Variants in ELMO2 observed in about 807,000 individuals in gnomAD.
ELMO2 encodes the protein engulfment and cell motility 2.
ELMO2 carries 37 observed loss-of-function variants against 96.2 expected under a neutral mutation model. The ratio of observed to expected loss-of-function variants is 0.38; its 90% CI spans 0.30 to 0.51. The LOEUF is 0.51. ELMO2 is among the 20% of genes least tolerant of loss of function. The pLI, the probability that ELMO2 is intolerant of heterozygous loss-of-function variation, is 0.88. For missense variants in ELMO2, 561 were observed against 912.6 expected (o/e 0.61, Z 4.96); for synonymous variants, 315 against 329.4 (o/e 0.96, Z 0.47).
At chr20:46,367,978 T>C (rs1871136347) in intron 21 of ELMO2, among the ~76,000 whole-genome samples, 1 of 151,188 alleles carries the variant, frequency 6.6e-6, no homozygotes, top group East Asian at 2.0e-4. Flanking sequence ...GAAAACAAAA[T>C]TAAAAATAAT....
At position 46,367,193 on chromosome 20, in the gene ELMO2, G is replaced by C; in HGVS notation, c.*167C>G. 1.7e-6 allele frequency: 1 copy of C among 593,240 alleles called. No homozygotes were observed. The highest frequency in any genetic ancestry group is 2.8e-6 in the Non-Finnish European group (1 of 361,364). 36.7% of individuals were successfully genotyped at this position (593,240 alleles called of 1,614,324 possible). A position where few individuals can be genotyped will look rare whatever the true frequency, so the allele number is the denominator to read the frequency against. On this transcript the variant is annotated 3_prime_UTR_variant, in exon 22 of 22. Coordinates refer to ENST00000290246, the MANE Select transcript of ELMO2 (RefSeq NM_133171.5). ...ATGACTCTTAGTAGACAGGGACCAA[G>C]AGGAAACTCTGGGTGGTCCGAGGTG...
rs138067171 is a variant in ELMO2 at position 46,396,569 on chromosome 20, T to C, written c.-50-2037A>G. ...GTCCTTTAAAGGGGAATTTCTGACTTATCATCATCCATGAGTTTTGCCTGG... is the reference window on the plus strand; with the variant it reads ...GTCCTTTAAAGGGGAATTTCTGACTCATCATCATCCATGAGTTTTGCCTGG... On this transcript the variant is annotated intron_variant, in intron 2 of 21. Transcript: ENST00000290246. 2.6e-4 allele frequency among the ~76,000 whole-genome samples: 40 copies of C among 152,342 alleles called. 1 individual carries two copies. The East Asian group carries it at 6.7e-3, about 26-fold the overall frequency.
At chr20:46,388,714 A>AG (rs2060094194) in intron 7 of ELMO2, among the ~76,000 whole-genome samples, 1 of 152,106 alleles carries the variant, frequency 6.6e-6, no homozygotes. Context: ...CCCTCATCAA[A>AG]CCAAACATTT....
In ELMO2 at chr20:46,393,602, C is replaced by G. The variant is rs2060195223; in HGVS notation, c.120-1G>C. The stretch of plus-strand genomic sequence containing the variant: ...ATACTCTGGGTTTGGCAACGACCAC[C>G]TATGCAAGAGAAAAACAGTATATCC... On this transcript the variant is annotated splice_acceptor_variant, in intron 4 of 21. Transcript: ENST00000290246. LOFTEE classifies it high-confidence loss of function. 6.2e-7 allele frequency: 1 copy of G among 1,613,460 alleles called. No homozygotes were observed. The highest frequency in any genetic ancestry group is 8.5e-7 in the Non-Finnish European group (1 of 1,180,008).
chr20:46,388,896 G>T, intron 7 of ELMO2, 143 bp downstream of exon 7: 2 of 742,588 alleles, frequency 2.7e-6, no homozygotes, highest in Non-Finnish European at 4.4e-6. Context: ...TCTTGGTATG[G>T]ACTCTAGTGC....
rs992189809 is a variant in ELMO2 at position 46,375,582 on chromosome 20, A to G, written c.930+86T>C. The G allele has an allele frequency of 3.2e-6, 5 of 1,586,190 alleles. No individual in the cohort carries two copies. The Admixed American group carries it at 6.9e-5, about 22-fold the overall frequency. On this transcript the variant is annotated intron_variant, in intron 12 of 21. Transcript: ENST00000290246. The surrounding 1 kb of genome is among the most constrained non-coding windows in gnomAD (Gnocchi z 4.6). ...GCAGATGCAAACTACTTCTGCAGACAAAGACCAAGCACAGTGCCTGGCACA... is the reference window on the plus strand; with the variant it reads ...GCAGATGCAAACTACTTCTGCAGACGAAGACCAAGCACAGTGCCTGGCACA...
At chr20:46,376,099 C>T (rs1408049278) in intron 11 of ELMO2, among the ~76,000 whole-genome samples, 2 of 152,200 alleles carry the variant, frequency 1.3e-5, no homozygotes, top group Admixed American at 6.5e-5. Context: ...GGCTATGATA[C>T]AGAACATTGG....
At chr20:46,372,580 G>A (rs928718227) in intron 16 of ELMO2, among the ~76,000 whole-genome samples, 1 of 152,306 alleles carries the variant, frequency 6.6e-6, no homozygotes, top group African/African-American at 2.4e-5. Context: ...GCAGTGAGCC[G>A]AGACAGTGCC....
intron 1 of ELMO2, among the ~76,000 whole-genome samples, chr20:46,403,900 A>G (rs2060377150): frequency 6.6e-6 from 1 of 152,152 alleles, no homozygotes; most frequent in Non-Finnish European, 1.5e-5. Flanking sequence ...CCTGGCCAAC[A>G]TGGTGAAACC....
intron 9 of ELMO2, among the ~76,000 whole-genome samples, chr20:46,385,386 A>T (rs1258148851): frequency 6.6e-6 from 1 of 152,248 alleles, no homozygotes; most frequent in Non-Finnish European, 1.5e-5. Context: ...AGTCTTAACA[A>T]ACAAACAAAG....
At chr20:46,374,845 T>A (rs932817320) in intron 13 of ELMO2, among the ~76,000 whole-genome samples, 1 of 152,174 alleles carries the variant, frequency 6.6e-6, no homozygotes, top group Non-Finnish European at 1.5e-5. Context: ...TCCCAGAACC[T>A]ACTTCACATG....
Position 46,374,403 on chromosome 20 carries a change from T to C in ELMO2, c.1208A>G (p.Glu403Gly), listed in dbSNP as rs768485829. Residue 403 changes from glutamate to glycine, a missense_variant, in exon 15 of 22, where the codon GAA becomes GGA. Transcript: ENST00000290246. ...AATGGCACTGCGGCCAAAGGGGCAT[T>C]CATGTTTGTCTTCCCGGCTACTGTT... Reference protein sequence around the residue: ...LENSSREDKHECPFGRSAIEL... With the variant: ...LENSSREDKHGCPFGRSAIEL... The C allele has an allele frequency of 6.2e-7, 1 of 1,614,088 alleles. No individual in the cohort carries two copies.
At chr20:46,374,310 A>G in intron 15 of ELMO2, 22 bp downstream of exon 15, 1 of 1,578,966 alleles carries the variant, frequency 6.3e-7, no homozygotes, top group Non-Finnish European at 8.7e-7. Context: ...TGGCTGAAGA[A>G]GAGGGAGCTG....
intron 14 of ELMO2, 27 bp from the exon 15 acceptor site, chr20:46,374,467 T>C (rs2145776418): frequency 3.7e-6 from 6 of 1,612,746 alleles, no homozygotes; most frequent in Non-Finnish European, 5.1e-6. Context: ...AAGGGAGGAT[T>C]AGGGAGATGA....
chr20:46,400,210 TC>T (rs143999183), intron 1 of ELMO2, among the ~76,000 whole-genome samples: 263 of 152,256 alleles, frequency 1.7e-3, no homozygotes, highest in African/African-American at 5.8e-3. Context: ...TACTGAAAAA[TC>T]AGGGTTAGCA....
chr20:46,387,503 G>A (rs1245307759), intron 7 of ELMO2, 66 bp from the exon 8 acceptor site: 2 of 1,315,416 alleles, frequency 1.5e-6, no homozygotes. Flanking sequence ...AGGTGTGAGG[G>A]CAGCCACAAA....
At chr20:46,389,304 T>A in intron 6 of ELMO2, 84 bp from the exon 7 acceptor site, 1 of 1,421,888 alleles carries the variant, frequency 7.0e-7, no homozygotes, top group Non-Finnish European at 9.6e-7. Flanking sequence ...GGCCCTTCTG[T>A]GGACATCCAA....
In ELMO2 at chr20:46,389,268, T is replaced by A. The variant is rs763102229; in HGVS notation, c.244-48A>T. The A allele has an allele frequency of 3.8e-6, 6 of 1,581,934 alleles. No individual in the cohort carries two copies. In the East Asian group the frequency reaches 1.1e-4, roughly 30 times the overall value. ...TGTGCCATCTGCTCCTTGGAGCAGG[T>A]TACTACTCTGTGGATAGCTCACAGA... On this transcript the variant is annotated intron_variant, in intron 6 of 21. Transcript: ENST00000290246.
chr20:46,380,027 C>T (rs1398820069), intron 11 of ELMO2: 2 of 401,982 alleles, frequency 5.0e-6, no homozygotes, highest in Admixed American at 3.9e-5. Context: ...TGGCCTTGGT[C>T]CCTCCCTGGA....
Sources: allele counts gnomAD v4.1 joint callset (sites outside exome capture counted in the v4.1 genomes callset), GRCh38; gene constraint gnomAD v4.1.1; non-coding constraint Gnocchi (gnomAD v3.1); transcripts MANE v1.5; gene names NCBI Gene and HGNC (gene_info 2026-07-23, HGNC 2026-07-21).